Variants in PROM1 observed in about 807,000 individuals in gnomAD.
PROM1 encodes prominin-1.
In PROM1, 105 loss-of-function variants were observed where a neutral mutation model predicts 116.9. The observed-to-expected ratio is 0.90, with a 90% CI of 0.77 to 1.06. The LOEUF is 1.06. Among genes scored for constraint, PROM1 ranks in the 50% least tolerant of loss-of-function variants. The probability of loss-of-function intolerance (pLI) is 0.00; values close to 1 mark genes in which losing one functional copy is unlikely to be tolerated. For synonymous variants in PROM1, 393 were observed against 387.0 expected, an observed-to-expected ratio of 1.02 and a Z score of -0.18; for missense variants, 1,122 against 1,045.2, an observed-to-expected ratio of 1.07 and a Z score of -1.01.
At chr4:16,064,042 G>A (rs564982519) in intron 2 of PROM1, among the ~76,000 whole-genome samples, 18 of 152,104 alleles carry the variant, frequency 1.2e-4, no homozygotes, top group African/African-American at 4.1e-4. Flanking sequence ...CTTGGCATAC[G>A]CACTTGGGAA....
At chr4:15,991,689 C>G (rs1194913336) in intron 17 of PROM1, among the ~76,000 whole-genome samples, 2 of 151,104 alleles carry the variant, frequency 1.3e-5, no homozygotes, top group African/African-American at 4.9e-5. Flanking sequence ...AATTCCAGCA[C>G]TTTGGGAGGC....
chr4:15,974,484 A>T (rs1715571637), intron 26 of PROM1, among the ~76,000 whole-genome samples: 1 of 152,190 alleles, frequency 6.6e-6, no homozygotes, highest in Non-Finnish European at 1.5e-5. Context: ...TGAGTTTGCC[A>T]CTCAGAAGCA....
At chr4:16,020,106 C>G (rs3822251) in intron 8 of PROM1, among the ~76,000 whole-genome samples, 24,557 of 151,974 alleles carry the variant, frequency 0.16, 2,966 homozygotes, top group East Asian at 0.48. Flanking sequence ...TGGGGCTGAG[C>G]TCTTAGGAGA....
At position 16,020,111 on chromosome 4, in the gene PROM1, A is replaced by G. The variant is rs572114113; in HGVS notation, c.785-1571T>C. Among the ~76,000 whole-genome samples the G allele has an allele frequency of 5.3e-5, 8 of 152,280 alleles. No individual in the cohort carries two copies. In the South Asian group the frequency reaches 1.5e-3, roughly 28 times the overall value. On this transcript the variant is annotated intron_variant, in intron 8 of 27. Transcript: ENST00000447510. ...TAATAGCTTGTGGGGCTGAGCTCTT[A>G]GGAGATGGTCTCCCCCATGCTCACT...
chr4:15,982,696 T>A (rs571978307), intron 23 of PROM1, among the ~76,000 whole-genome samples: 1 of 152,194 alleles, frequency 6.6e-6, no homozygotes, highest in African/African-American at 2.4e-5. Flanking sequence ...AGGCTGGACA[T>A]AGAGAGACGT....
Position 16,006,773 on chromosome 4 carries a change from C to T in PROM1, c.1302-83G>A, listed in dbSNP as rs77182932. 1.7e-3 allele frequency: 2,360 copies of T among 1,381,100 alleles called. 31 individuals are homozygous for T. The African/African-American group carries it at 0.03, about 17-fold the overall frequency. 85.6% of individuals were successfully genotyped at this position (1,381,100 alleles called of 1,614,324 possible). A position where few individuals can be genotyped will look rare whatever the true frequency, so the allele number is the denominator to read the frequency against. On this transcript the variant is annotated intron_variant, in intron 12 of 27. Coordinates refer to ENST00000447510, the MANE Select transcript of PROM1 (RefSeq NM_006017.3). Reference sequence around the variant, plus strand: ...AAAGCTGCTGGACTAAGGCTGGAGCCGATGAGTTATTCTTGGCTTCTAAAA... The same window carrying T: ...AAAGCTGCTGGACTAAGGCTGGAGCTGATGAGTTATTCTTGGCTTCTAAAA...
chr4:15,997,925 G>A (rs1356940959), intron 15 of PROM1, among the ~76,000 whole-genome samples: 2 of 152,210 alleles, frequency 1.3e-5, no homozygotes, highest in African/African-American at 4.8e-5. Context: ...AATTGCCCAG[G>A]GCACAGAGCC....
At chr4:16,006,503 C>T (rs1725516202) in intron 13 of PROM1, 35 bp downstream of exon 13, 2 of 1,547,944 alleles carry the variant, frequency 1.3e-6, no homozygotes, top group Non-Finnish European at 1.7e-6. Flanking sequence ...TCCTGCATTC[C>T]CACTCCCACA....
chr4:16,082,845 C>G (rs1030074752), intron 1 of PROM1, among the ~76,000 whole-genome samples: 4 of 152,090 alleles, frequency 2.6e-5, no homozygotes, highest in African/African-American at 9.7e-5. Context: ...GAAACTGATC[C>G]CGAGCCTCTG....
Position 16,016,255 on chromosome 4 carries a change from A to T in PROM1, c.1003-15T>A. On this transcript the variant is annotated splice_polypyrimidine_tract_variant and intron_variant, in intron 9 of 27. Transcript: ENST00000447510. ...ACGGGTGGAAGCTGAAAATTTATAA[A>T]ACAAAATATAAGACAAGGTTGTTAC... 6.5e-7 allele frequency: 1 copy of T among 1,541,792 alleles called. No homozygotes were observed. Among genetic ancestry groups the T allele is most frequent in the Non-Finnish European group, 8.8e-7 (1 of 1,140,730 alleles).
chr4:16,061,738 A>C (rs1202357616), intron 2 of PROM1, among the ~76,000 whole-genome samples: 1 of 152,178 alleles, frequency 6.6e-6, no homozygotes, highest in African/African-American at 2.4e-5. Context: ...CTAGCAATCC[A>C]AGATCCAGGT....
chr4:16,041,931 C>G (rs980917019), intron 2 of PROM1, among the ~76,000 whole-genome samples: 1 of 151,834 alleles, frequency 6.6e-6, no homozygotes, highest in Non-Finnish European at 1.5e-5. Flanking sequence ...CCCTCAGCCT[C>G]CTGCATAGCT....
At chr4:16,018,599 G>A (rs1468351368) in intron 8 of PROM1, 59 bp from the exon 9 acceptor site, 1 of 1,485,162 alleles carries the variant, frequency 6.7e-7, no homozygotes, top group Non-Finnish European at 9.2e-7. Flanking sequence ...ATCTACAAAA[G>A]TGTGTCTAAA....
rs200267954 is a variant in PROM1, at chr4:16,075,824, G to T, written c.83C>A (p.Ala28Asp). Residue 28 changes from alanine (A) to aspartate (D), a missense_variant, in exon 2 of 28, where the codon GCT becomes GAT. Physicochemically the swap from Ala to Asp is moderately radical, Grantham distance 126. Transcript: ENST00000447510. ...FSGGQPSSTD[A>D]PKAWNYELPA... Reference sequence around the variant, plus strand: ...CAATTCATAATTCCAAGCCTTAGGAGCATCTGTGGATGAAGGCTGCCCTCC... The same window carrying T: ...CAATTCATAATTCCAAGCCTTAGGATCATCTGTGGATGAAGGCTGCCCTCC... The T allele has an allele frequency of 3.3e-5, 54 of 1,613,650 alleles. No individual in the cohort carries two copies. Among genetic ancestry groups the T allele is most frequent in the Non-Finnish European group, 4.4e-5 (52 of 1,179,838 alleles).
rs938886859 is a variant in PROM1 at position 15,968,307 on chromosome 4, C to A, written c.*1086G>T. 6 of 152,230 alleles carry A rather than the reference C, an allele frequency of 3.9e-5. No individual in the cohort carries two copies. Among genetic ancestry groups the A allele is most frequent in the African/African-American group, 1.4e-4 (6 of 41,458 alleles). 9.4% of individuals were successfully genotyped at this position (152,230 alleles called of 1,614,324 possible). ...AAAGACCTGGGGGGAATGCCTACAT[C>A]TGGAATTTCATTACATCAACGTTAA... On this transcript the variant is annotated 3_prime_UTR_variant, in exon 28 of 28. Transcript: ENST00000447510.
intron 5 of PROM1, among the ~76,000 whole-genome samples, chr4:16,032,571 A>G (rs1055469735): frequency 6.6e-6 from 1 of 152,230 alleles, no homozygotes. Context: ...ACAGTGGCGG[A>G]ATGAATGAGG....
At chr4:15,983,097 C>T (rs373121818) in intron 23 of PROM1, among the ~76,000 whole-genome samples, 19 of 152,130 alleles carry the variant, frequency 1.2e-4, no homozygotes, top group African/African-American at 3.4e-4. Flanking sequence ...AGGTCTTAAT[C>T]AAAGAAACAT....
At chr4:15,984,158 G>A in intron 23 of PROM1, 105 bp downstream of exon 23, 1 of 958,834 alleles carries the variant, frequency 1.0e-6, no homozygotes, top group Non-Finnish European at 1.6e-6. Flanking sequence ...TTAGGTTTTG[G>A]ATTCTCTCAA....
At chr4:15,994,508 C>T (rs765022862) in intron 15 of PROM1, among the ~76,000 whole-genome samples, 5 of 152,084 alleles carry the variant, frequency 3.3e-5, no homozygotes, top group Non-Finnish European at 5.9e-5. Context: ...CAGGGCCGAG[C>T]GGCACTGACT....
Sources: gnomAD v4.1 joint callset for allele counts (sites outside exome capture counted in the v4.1 genomes callset) on GRCh38, gnomAD v4.1.1 for gene constraint, MANE v1.5 for transcripts, NCBI Gene and HGNC (gene_info 2026-07-23, HGNC 2026-07-21) for gene names.